Variants in OSBPL5 observed in about 807,000 individuals in gnomAD.
OSBPL5 encodes the protein oxysterol binding protein like 5.
OSBPL5 carries 71 observed loss-of-function variants against 111.2 expected under a neutral mutation model. The observed-to-expected ratio is 0.64, with a 90% CI of 0.53 to 0.78. The LOEUF (loss-of-function observed/expected upper bound fraction) is 0.78, where lower values mean the gene tolerates loss of function less well. Among genes scored for constraint, OSBPL5 ranks in the 30% least tolerant of loss-of-function variants. The probability of loss-of-function intolerance (pLI) is 0.00; values close to 1 mark genes in which losing one functional copy is unlikely to be tolerated. For synonymous variants in OSBPL5, 549 were observed against 513.9 expected, an observed-to-expected ratio of 1.07 and a Z score of -0.93; for missense variants, 1,210 against 1,189.3, an observed-to-expected ratio of 1.02 and a Z score of -0.26.
chr11:3,119,879 T>C (rs4758529), intron 6 of OSBPL5: 385,281 of 509,864 alleles, frequency 0.76, 147,831 homozygotes, highest in African/African-American at 0.95. Context: ...CTGAGCCTCC[T>C]GACTTGGGCT....
chr11:3,120,722 G>A, intron 5 of OSBPL5, 98 bp from the exon 6 acceptor site: 1 of 1,347,968 alleles, frequency 7.4e-7, no homozygotes, highest in Non-Finnish European at 1.0e-6. Context: ...GACCAGGGTG[G>A]GCTGCCGAGG....
rs369433756 is a variant in OSBPL5, at chr11:3,156,857, C to G, written c.-22+8359G>C. 3.3e-5 allele frequency among the ~76,000 whole-genome samples: 5 copies of G among 152,328 alleles called. No homozygotes were observed. The South Asian group carries it at 6.2e-4, about 19-fold the overall frequency. On this transcript the variant is annotated intron_variant, in intron 1 of 21. Transcript: ENST00000263650. ...CCCGAGGCACCTCCAGGAGACTGGC[C>G]CTGCAATGGCCCATTTCACAGACGA...
Position 3,140,669 on chromosome 11 carries a change from T to A in OSBPL5, c.-21-11500A>T, listed in dbSNP as rs1239848997. Among the ~76,000 whole-genome samples, 2 of 152,168 alleles carry A rather than the reference T, an allele frequency of 1.3e-5. No individual in the cohort carries two copies. Among genetic ancestry groups the A allele is most frequent in the African/African-American group, 2.4e-5 (1 of 41,438 alleles). ...CTCCCCTCTGTCCCCCAGCTCACAT[T>A]ACCCAGGACTGGCTGTAGGAGCCTT... On this transcript the variant is annotated intron_variant, in intron 1 of 21. Transcript: ENST00000263650. The surrounding 1 kb of genome is among the most constrained non-coding windows in gnomAD (Gnocchi z 4.5).
At chr11:3,160,776 G>A (rs1846943687) in intron 1 of OSBPL5, 1 of 149,886 alleles carries the variant, frequency 6.7e-6, no homozygotes, top group Non-Finnish European at 1.5e-5. Flanking sequence ...CCTGGCCGAG[G>A]AAGGCCCTTC....
In OSBPL5 at chr11:3,107,032, C is replaced by T. The variant is rs536889030; in HGVS notation, c.1059+231G>A. On this transcript the variant is annotated intron_variant, in intron 9 of 21. Transcript: ENST00000263650. The surrounding 1 kb of genome is among the most constrained non-coding windows in gnomAD (Gnocchi z 6.1). ...CTGCAGCAAACCCCTGCCCGATCCC[C>T]GCATCTGCATGCCAGCCAGCCAGCC... 4.6e-5 allele frequency among the ~76,000 whole-genome samples: 7 copies of T among 151,622 alleles called. No homozygotes were observed. In the South Asian group the frequency reaches 8.4e-4, roughly 18 times the overall value.
chr11:3,104,106 A>C lies in OSBPL5; in HGVS notation c.1244+87T>G, dbSNP rs898070950. 7.0e-7 allele frequency: 1 copy of C among 1,431,272 alleles called. No individual in the cohort carries two copies. The highest frequency in any genetic ancestry group is 9.4e-7 in the Non-Finnish European group (1 of 1,058,876). The allele number at this position is 1,431,272 out of a possible 1,614,324, so 88.7% of individuals were successfully genotyped here. ...GCCATGGGATTCTCTGGAAGCCCCC[A>C]CAGGGCAGGTAGGGGCTGGGGGTGC... On this transcript the variant is annotated intron_variant, in intron 10 of 21. Transcript: ENST00000263650. The surrounding 1 kb of genome is among the most constrained non-coding windows in gnomAD (Gnocchi z 5.0).
intron 7 of OSBPL5, among the ~76,000 whole-genome samples, chr11:3,112,469 TTTTCTTTTC>T (rs1428359958): frequency 1.7e-5 from 1 of 57,972 alleles, no homozygotes; most frequent in African/African-American, 6.0e-5. Flanking sequence ...CTGTTTTGTG[TTTTCTTTTC>T]TTTTTTTTTT....
chr11:3,143,675 A>G (rs1340794443), intron 1 of OSBPL5, among the ~76,000 whole-genome samples: 1 of 152,184 alleles, frequency 6.6e-6, no homozygotes, highest in Non-Finnish European at 1.5e-5. Context: ...CGGAACGCAG[A>G]CTGGTGCTTG....
rs779654011 is a variant in OSBPL5, at chr11:3,142,425, C to A, written c.-21-13256G>T. Among the ~76,000 whole-genome samples the A allele has an allele frequency of 3.3e-5, 5 of 152,218 alleles. No homozygotes were observed. Among genetic ancestry groups the A allele is most frequent in the Non-Finnish European group, 5.9e-5 (4 of 68,040 alleles). ...GGAAGCCCCTACCTCTCCACCACGA[C>A]CCCTCCATGCCCTGCTGCCACAAGG... On this transcript the variant is annotated intron_variant, in intron 1 of 21. Coordinates refer to ENST00000263650, the MANE Select transcript of OSBPL5 (RefSeq NM_020896.4). The surrounding 1 kb of genome is among the most constrained non-coding windows in gnomAD (Gnocchi z 7.1).
In OSBPL5 at chr11:3,141,351, G is replaced by A. The variant is rs1846107949; in HGVS notation, c.-21-12182C>T. On this transcript the variant is annotated intron_variant, in intron 1 of 21. Transcript: ENST00000263650. The surrounding 1 kb of genome is among the most constrained non-coding windows in gnomAD (Gnocchi z 6.5). Reference sequence around the variant, plus strand: ...CATCCTCCCTGTGACTCTGCATAGTGGGAAGGACGTGGATTCTAGAAACCC... The same window carrying A: ...CATCCTCCCTGTGACTCTGCATAGTAGGAAGGACGTGGATTCTAGAAACCC... 1.3e-5 allele frequency among the ~76,000 whole-genome samples: 2 copies of A among 152,124 alleles called. No individual in the cohort carries two copies. The highest frequency in any genetic ancestry group is 1.3e-4 in the Admixed American group (2 of 15,276).
rs1858642899 is a variant in OSBPL5 at position 3,126,761 on chromosome 11, G to A, written c.137-206C>T. ...CGTCACTGTGGGAGGAGTGTGCCAG[G>A]AGAACTGGCAGGGCCTCCAGGACCT... On this transcript the variant is annotated intron_variant, in intron 2 of 21. Transcript: ENST00000263650. This position sits in a 1 kb window ranked among gnomAD's most constrained non-coding sequence, Gnocchi z 6.5. The A allele has an allele frequency of 4.3e-6, 2 of 470,196 alleles. No individual in the cohort carries two copies. Among genetic ancestry groups the A allele is most frequent in the African/African-American group, 2.0e-5 (1 of 49,828 alleles). The allele number at this position is 470,196 out of a possible 1,614,324, so 29.1% of individuals were successfully genotyped here. A position where few individuals can be genotyped will look rare whatever the true frequency, so the allele number is the denominator to read the frequency against.
Position 3,130,169 on chromosome 11 carries a change from C to T in OSBPL5, c.-21-1000G>A, listed in dbSNP as rs2134478579. ...CATTTTACAGATGAGAAAATCATGG[C>T]TCAGGGAGTGGAAGGCCTCGACCTG... On this transcript the variant is annotated intron_variant, in intron 1 of 21. Coordinates refer to ENST00000263650, the MANE Select transcript of OSBPL5 (RefSeq NM_020896.4). The surrounding 1 kb of genome is among the most constrained non-coding windows in gnomAD (Gnocchi z 4.5). 6.6e-6 allele frequency among the ~76,000 whole-genome samples: 1 copy of T among 152,382 alleles called. No homozygotes were observed. The highest frequency in any genetic ancestry group is 1.9e-4 in the East Asian group (1 of 5,182).
At chr11:3,089,729 G>T in intron 21 of OSBPL5, 117 bp downstream of exon 21, 2 of 914,300 alleles carry the variant, frequency 2.2e-6, no homozygotes, top group Non-Finnish European at 3.4e-6. Context: ...GTGGGTTCCA[G>T]CTCCGATGAC....
intron 11 of OSBPL5, among the ~76,000 whole-genome samples, chr11:3,102,784 G>A (rs995356602): frequency 4.6e-5 from 7 of 152,312 alleles, no homozygotes; most frequent in Admixed American, 2.6e-4. Flanking sequence ...GGAGCTGCGG[G>A]CCCTCTTGCT....
rs1238121178 is a variant in OSBPL5, at chr11:3,130,085, C to T, written c.-21-916G>A. 1.3e-5 allele frequency among the ~76,000 whole-genome samples: 2 copies of T among 152,362 alleles called. No homozygotes were observed. Among genetic ancestry groups the T allele is most frequent in the South Asian group, 2.1e-4 (1 of 4,830 alleles). On this transcript the variant is annotated intron_variant, in intron 1 of 21. Coordinates refer to ENST00000263650, the MANE Select transcript of OSBPL5 (RefSeq NM_020896.4). This position sits in a 1 kb window ranked among gnomAD's most constrained non-coding sequence, Gnocchi z 4.5. Reference sequence around the variant, plus strand: ...GGGCCAAGCAGAGGGTAACTGATTGCAGTCACGCCTTTGCAGGCACTTGAA... The same window carrying T: ...GGGCCAAGCAGAGGGTAACTGATTGTAGTCACGCCTTTGCAGGCACTTGAA...
At chr11:3,164,418 C>G (rs1170293596) in intron 1 of OSBPL5, 1 of 152,504 alleles carries the variant, frequency 6.6e-6, no homozygotes, top group African/African-American at 2.4e-5. Context: ...GGCAGCCCAG[C>G]GGTCTGGGTG....
At position 3,123,712 on chromosome 11, in the gene OSBPL5, T is replaced by C. The variant is rs1018523616; in HGVS notation, c.220-1284A>G. On this transcript the variant is annotated intron_variant, in intron 3 of 21. Transcript: ENST00000263650. ...GGGACTGCCCCCACCCCAATCATGA[T>C]GGTGCTAAGTACAGAGCTAAAGCCT... Among the ~76,000 whole-genome samples the C allele has an allele frequency of 2.1e-4, 32 of 152,276 alleles. 1 individual carries two copies. Among genetic ancestry groups the C allele is most frequent in the Admixed American group, 6.5e-5 (1 of 15,290 alleles).
intron 7 of OSBPL5, among the ~76,000 whole-genome samples, chr11:3,111,232 T>C (rs1857914960): frequency 6.6e-6 from 1 of 151,106 alleles, no homozygotes; most frequent in Non-Finnish European, 1.5e-5. Context: ...ACAACTTCTC[T>C]TTTTGGAGTT....
intron 13 of OSBPL5, 75 bp downstream of exon 13, chr11:3,101,528 C>CCACTG: frequency 1.5e-6 from 2 of 1,368,330 alleles, no homozygotes; most frequent in Non-Finnish European, 2.1e-6. Context: ...AGATCTTGGT[C>CCACTG]CACTGGCTCC....
Sources: allele counts gnomAD v4.1 joint callset (sites outside exome capture counted in the v4.1 genomes callset), GRCh38; gene constraint gnomAD v4.1.1; non-coding constraint Gnocchi (gnomAD v3.1); transcripts MANE v1.5; gene names NCBI Gene and HGNC (gene_info 2026-07-23, HGNC 2026-07-21).